The following PTPRD variants were observed in gnomAD, a reference collection of about 807,000 sequenced individuals.
PTPRD encodes receptor-type tyrosine-protein phosphatase delta.
In PTPRD, 34 loss-of-function variants were observed where a neutral mutation model predicts 214.5. The ratio of observed to expected loss-of-function variants is 0.16; its 90% CI spans 0.12 to 0.21. The LOEUF (loss-of-function observed/expected upper bound fraction) is 0.21. Ranked by LOEUF, PTPRD falls within the 10% of genes least tolerant of loss-of-function variation. The pLI is 1.00. For synonymous variants in PTPRD, 1,128 were observed against 845.7 expected (o/e 1.33, Z -5.79); for missense variants, 2,545 against 2,398.7 (o/e 1.06, Z -1.27).
intron 4 of PTPRD, among the ~76,000 whole-genome samples, chr9:10,005,288 T>C (rs1285501081): frequency 6.6e-6 from 1 of 152,126 alleles, no homozygotes; most frequent in Non-Finnish European, 1.5e-5. Context: ...TCGATGATTC[T>C]GATACTAGGC....
intron 23 of PTPRD, among the ~76,000 whole-genome samples, chr9:8,503,392 C>T (rs760833204): frequency 5.9e-5 from 9 of 152,004 alleles, no homozygotes; most frequent in Non-Finnish European, 1.2e-4. Context: ...AAATATCACA[C>T]AAAGAAATCT....
At chr9:9,495,669 G>A (rs2096147005) in intron 8 of PTPRD, among the ~76,000 whole-genome samples, 1 of 152,098 alleles carries the variant, frequency 6.6e-6, no homozygotes. Flanking sequence ...GCTGAGAGCT[G>A]TTTTCATCAC....
intron 5 of PTPRD, among the ~76,000 whole-genome samples, chr9:9,925,367 A>G (rs912024162): frequency 1.3e-5 from 2 of 152,100 alleles, no homozygotes; most frequent in African/African-American, 4.8e-5. Flanking sequence ...TTTTTAAGGT[A>G]ATATGTCATC....
In PTPRD at chr9:9,261,177, G is replaced by A. The variant is rs554500827; in HGVS notation, c.-202-77814C>T. Among the ~76,000 whole-genome samples the A allele has an allele frequency of 1.6e-4, 24 of 151,944 alleles. 1 individual carries two copies. In the East Asian group the frequency reaches 4.7e-3, roughly 30 times the overall value. ...CGAGTGGCTGCTTTGGGTAATGGCT[G>A]TTTTCTTAGCATGGGAAATGAAATA... On this transcript the variant is annotated intron_variant, in intron 9 of 45. Transcript: ENST00000381196.
intron 4 of PTPRD, among the ~76,000 whole-genome samples, chr9:10,019,492 G>C (rs1385642447): frequency 2.6e-5 from 4 of 152,036 alleles, no homozygotes; most frequent in Admixed American, 2.6e-4. Flanking sequence ...GTTTATTGTG[G>C]CACTATTCAC....
intron 3 of PTPRD, among the ~76,000 whole-genome samples, chr9:10,080,336 C>T (rs1311114334): frequency 1.3e-5 from 2 of 152,052 alleles, no homozygotes; most frequent in African/African-American, 4.8e-5. Context: ...GCTGTATCTC[C>T]TTTATTAGAC....
intron 2 of PTPRD, among the ~76,000 whole-genome samples, chr9:10,477,743 G>C (rs201092963): frequency 1.3e-5 from 2 of 152,046 alleles, no homozygotes; most frequent in African/African-American, 2.4e-5. Context: ...ATGCCCATCA[G>C]TGATACACTG....
chr9:9,178,054 G>A (rs767977185), intron 10 of PTPRD, among the ~76,000 whole-genome samples: 6 of 152,070 alleles, frequency 3.9e-5, no homozygotes, highest in Non-Finnish European at 7.4e-5. Context: ...ATTTTGCATA[G>A]GAAATAGAAG....
intron 11 of PTPRD, among the ~76,000 whole-genome samples, chr9:8,906,976 G>A (rs1456509678): frequency 6.6e-6 from 1 of 152,066 alleles, no homozygotes; most frequent in Admixed American, 6.6e-5. Flanking sequence ...GAACCTGGAA[G>A]GGCCCAGTGG....
At chr9:10,300,301 G>A (rs1434252188) in intron 3 of PTPRD, among the ~76,000 whole-genome samples, 1 of 152,146 alleles carries the variant, frequency 6.6e-6, no homozygotes, top group East Asian at 1.9e-4. Context: ...TATGCCACCA[G>A]GGCCCTGGGT....
At chr9:9,765,957 C>A (rs900823735) in intron 6 of PTPRD, among the ~76,000 whole-genome samples, 1 of 152,300 alleles carries the variant, frequency 6.6e-6, no homozygotes, top group Admixed American at 6.5e-5. Context: ...CCACCGCGCC[C>A]AGCCCGTAAA....
intron 3 of PTPRD, among the ~76,000 whole-genome samples, chr9:10,144,785 C>G (rs2099011000): frequency 6.6e-6 from 1 of 152,030 alleles, no homozygotes; most frequent in Non-Finnish European, 1.5e-5. Context: ...ATCTCTCTCT[C>G]TAATGGATTA....
intron 2 of PTPRD, among the ~76,000 whole-genome samples, chr9:10,398,601 A>C (rs2098216575): frequency 1.3e-5 from 2 of 152,086 alleles, no homozygotes; most frequent in Admixed American, 1.3e-4. Flanking sequence ...ACAAATGAAA[A>C]ACATTTTCTT....
chr9:9,557,848 A>G (rs937923785), intron 8 of PTPRD, among the ~76,000 whole-genome samples: 1 of 152,164 alleles, frequency 6.6e-6, no homozygotes, highest in African/African-American at 2.4e-5. Context: ...GATGGGCAGA[A>G]AGAACACTCA....
chr9:9,130,529 A>T (rs2099841021), intron 10 of PTPRD, among the ~76,000 whole-genome samples: 1 of 152,328 alleles, frequency 6.6e-6, no homozygotes, highest in East Asian at 1.9e-4. Context: ...TCCAGAAAAC[A>T]ATCAATATCT....
chr9:9,598,154 A>G (rs2093496435), intron 7 of PTPRD, among the ~76,000 whole-genome samples: 1 of 151,966 alleles, frequency 6.6e-6, no homozygotes. Flanking sequence ...AGAGGCCTCA[A>G]TTCCACCATG....
intron 14 of PTPRD, among the ~76,000 whole-genome samples, chr9:8,572,787 G>C (rs1227326909): frequency 6.6e-6 from 1 of 151,584 alleles, no homozygotes; most frequent in Non-Finnish European, 1.5e-5. Flanking sequence ...ACCATATTTT[G>C]CATATTATTT....
At chr9:8,925,858 A>ATTT (rs33971552) in intron 11 of PTPRD, among the ~76,000 whole-genome samples, 8,546 of 120,066 alleles carry the variant, frequency 0.071, 423 homozygotes, top group Non-Finnish European at 0.089. Flanking sequence ...CTATTGCAAT[A>ATTT]TTTTTTTTTT....
intron 21 of PTPRD, among the ~76,000 whole-genome samples, chr9:8,516,096 AT>A: frequency 6.6e-6 from 1 of 152,308 alleles, no homozygotes; most frequent in Admixed American, 6.5e-5. Flanking sequence ...ATTTCTTAGA[AT>A]TTTTTAATTG....
Sources: allele counts gnomAD v4.1 joint callset (sites outside exome capture counted in the v4.1 genomes callset), GRCh38; gene constraint gnomAD v4.1.1; transcripts MANE v1.5; gene names NCBI Gene and HGNC (gene_info 2026-07-23, HGNC 2026-07-21).